LMX1A: variants seen among roughly 807,000 people sequenced by gnomAD.
LMX1A encodes the protein LIM homeobox transcription factor 1 alpha, also known as LIM homeobox transcription factor 1-alpha.
Under a neutral mutation model 49.1 loss-of-function variants are expected in LMX1A, and 15 were observed. That is an observed-to-expected ratio of 0.31 (90% confidence interval 0.20 to 0.47). LMX1A has a LOEUF of 0.47. Ranked by LOEUF, LMX1A falls within the 20% of genes least tolerant of loss-of-function variation. The pLI, the probability that LMX1A is intolerant of heterozygous loss-of-function variation, is 1.00. For synonymous variants in LMX1A, 167 were observed against 185.7 expected (o/e 0.90, Z 0.82); for missense variants, 372 against 475.8 (o/e 0.78, Z 2.03).
chr1:165,252,620 C>T (rs772298005), intron 3 of LMX1A, among the ~76,000 whole-genome samples: 9 of 152,042 alleles, frequency 5.9e-5, no homozygotes, highest in Non-Finnish European at 1.0e-4. Flanking sequence ...CTTTTCATAC[C>T]CACATGACAG....
chr1:165,329,447 T>C (rs2101750990), intron 3 of LMX1A, among the ~76,000 whole-genome samples: 1 of 152,120 alleles, frequency 6.6e-6, no homozygotes, highest in East Asian at 1.9e-4. Flanking sequence ...CCAAAACATG[T>C]CAGCAAACCA....
rs1330062934 is a variant in LMX1A at position 165,202,502 on chromosome 1, G to C, written c.*1378C>G. 6.6e-6 allele frequency: 1 copy of C among 152,064 alleles called. No individual in the cohort carries two copies. Among genetic ancestry groups the C allele is most frequent in the East Asian group, 1.9e-4 (1 of 5,188 alleles). 9.4% of individuals were successfully genotyped at this position (152,064 alleles called of 1,614,324 possible). A position where few individuals can be genotyped will look rare whatever the true frequency, so the allele number is the denominator to read the frequency against. Reference sequence around the variant, plus strand: ...CCCCAAACTTTTTCTGTAAGGGCCAGACAATACAGATAGCAAATATTTCAG... The same window carrying C: ...CCCCAAACTTTTTCTGTAAGGGCCACACAATACAGATAGCAAATATTTCAG... On this transcript the variant is annotated 3_prime_UTR_variant, in exon 9 of 9. Coordinates refer to ENST00000342310, the MANE Select transcript of LMX1A (RefSeq NM_177398.4).
chr1:165,312,606 C>G (rs1476196634), intron 3 of LMX1A, among the ~76,000 whole-genome samples: 1 of 152,188 alleles, frequency 6.6e-6, no homozygotes, highest in Non-Finnish European at 1.5e-5. Context: ...TAAGGAAGCC[C>G]AAGCAACTCT....
chr1:165,253,577 C>T (rs1305656025), intron 3 of LMX1A, among the ~76,000 whole-genome samples: 2 of 152,226 alleles, frequency 1.3e-5, no homozygotes, highest in African/African-American at 4.8e-5. Context: ...AAACAGCCTC[C>T]TGGAACAGAG....
intron 3 of LMX1A, among the ~76,000 whole-genome samples, chr1:165,281,746 A>ATGTGTGTGTGTGTGTG (rs56913866): frequency 1.7e-4 from 21 of 125,958 alleles, no homozygotes; most frequent in African/African-American, 4.3e-4. Context: ...GTGTGTGTGT[A>ATGTGTGTGTGTGTGTG]TGTGTGTGTG....
chr1:165,224,923 C>T (rs1651979995), intron 4 of LMX1A, among the ~76,000 whole-genome samples: 2 of 152,188 alleles, frequency 1.3e-5, no homozygotes, highest in Admixed American at 6.5e-5. Context: ...TACCAACAGT[C>T]CACCTTCTCA....
intron 3 of LMX1A, among the ~76,000 whole-genome samples, chr1:165,262,032 G>C (rs1460596292): frequency 6.6e-6 from 1 of 152,082 alleles, no homozygotes; most frequent in Non-Finnish European, 1.5e-5. Flanking sequence ...CATGTTAGGT[G>C]TATTTTACCA....
At chr1:165,347,261 T>C (rs946668692) in intron 3 of LMX1A, among the ~76,000 whole-genome samples, 1 of 152,228 alleles carries the variant, frequency 6.6e-6, no homozygotes, top group Non-Finnish European at 1.5e-5. Flanking sequence ...CACTTTGCTC[T>C]CAAAATTAGC....
At chr1:165,250,438 TA>T (rs1219977352) in intron 3 of LMX1A, among the ~76,000 whole-genome samples, 2 of 152,152 alleles carry the variant, frequency 1.3e-5, no homozygotes, top group Non-Finnish European at 2.9e-5. Flanking sequence ...TATCAGCATA[TA>T]AAAGGATGTG....
chr1:165,323,196 C>T (rs1655473387), intron 3 of LMX1A, among the ~76,000 whole-genome samples: 1 of 152,092 alleles, frequency 6.6e-6, no homozygotes, highest in Non-Finnish European at 1.5e-5. Context: ...ATATATGTAT[C>T]AAAATTCTGC....
chr1:165,348,033 T>C (rs1021341568), intron 3 of LMX1A, among the ~76,000 whole-genome samples: 4 of 152,172 alleles, frequency 2.6e-5, no homozygotes, highest in African/African-American at 2.4e-5. Flanking sequence ...TTTTGATTAA[T>C]ACAAATGTTA....
At chr1:165,293,732 G>A (rs574506570) in intron 3 of LMX1A, among the ~76,000 whole-genome samples, 10 of 152,190 alleles carry the variant, frequency 6.6e-5, no homozygotes, top group Non-Finnish European at 1.2e-4. Flanking sequence ...CCATTTTCTG[G>A]ACAGTGCTTT....
chr1:165,291,424 C>G (rs1489400879), intron 3 of LMX1A, among the ~76,000 whole-genome samples: 1 of 152,086 alleles, frequency 6.6e-6, no homozygotes, highest in Non-Finnish European at 1.5e-5. Flanking sequence ...TATGTTCCAG[C>G]TGACTGAATT....
At chr1:165,235,914 G>A (rs1396372738) in intron 4 of LMX1A, among the ~76,000 whole-genome samples, 1 of 152,004 alleles carries the variant, frequency 6.6e-6, no homozygotes, top group Non-Finnish European at 1.5e-5. Context: ...GTGTTTCTGC[G>A]CCTGGCCTCT....
At chr1:165,319,868 T>A (rs1203116750) in intron 3 of LMX1A, among the ~76,000 whole-genome samples, 1 of 152,188 alleles carries the variant, frequency 6.6e-6, no homozygotes, top group Non-Finnish European at 1.5e-5. Context: ...TTCCAAATAT[T>A]CTCTACTAAG....
intron 3 of LMX1A, among the ~76,000 whole-genome samples, chr1:165,290,842 C>T (rs576835182): frequency 2.4e-4 from 36 of 152,298 alleles, no homozygotes; most frequent in African/African-American, 7.9e-4. Context: ...CCTTCTGAGT[C>T]AGAAGCTCAG....
chr1:165,317,370 T>C (rs1655258065), intron 3 of LMX1A, among the ~76,000 whole-genome samples: 1 of 152,220 alleles, frequency 6.6e-6, no homozygotes, highest in Non-Finnish European at 1.5e-5. Flanking sequence ...ATGAATAAAT[T>C]GCATTCTAGA....
At chr1:165,292,484 C>G (rs1211976330) in intron 3 of LMX1A, among the ~76,000 whole-genome samples, 1 of 152,124 alleles carries the variant, frequency 6.6e-6, no homozygotes, top group Non-Finnish European at 1.5e-5. Context: ...GGCTATAAGG[C>G]TCATATGGAG....
At chr1:165,214,441 G>A (rs1651564731) in intron 4 of LMX1A, among the ~76,000 whole-genome samples, 1 of 152,170 alleles carries the variant, frequency 6.6e-6, no homozygotes, top group African/African-American at 2.4e-5. Flanking sequence ...TACTAATACA[G>A]GCAAGTTACT....
Sources: gnomAD v4.1 joint callset for allele counts (sites outside exome capture counted in the v4.1 genomes callset) on GRCh38, gnomAD v4.1.1 for gene constraint, MANE v1.5 for transcripts, NCBI Gene and HGNC (gene_info 2026-07-23, HGNC 2026-07-21) for gene names.